The following EBF1 variants were observed in gnomAD, a reference collection of about 807,000 sequenced individuals.
The protein encoded by EBF1 is EBF transcription factor 1.
A neutral mutation model predicts 68.4 loss-of-function variants in EBF1; 10 were observed. The observed-to-expected ratio is 0.15, with a 90% CI of 0.09 to 0.25. The LOEUF is 0.25. Among genes scored for constraint, EBF1 ranks in the 10% least tolerant of loss-of-function variants. The pLI, the probability that EBF1 is intolerant of heterozygous loss-of-function variation, is 1.00. For synonymous variants in EBF1, 298 were observed against 299.8 expected (o/e 0.99, Z 0.06); for missense variants, 509 against 794.4 (o/e 0.64, Z 4.32).
intron 6 of EBF1, among the ~76,000 whole-genome samples, chr5:159,017,943 G>T (rs975835194): frequency 1.2e-4 from 19 of 152,068 alleles, no homozygotes; most frequent in African/African-American, 4.1e-4. Flanking sequence ...TTCCCACATG[G>T]GGCTAAGCAC....
chr5:159,083,754 A>G (rs1377241952), intron 5 of EBF1, among the ~76,000 whole-genome samples: 1 of 152,250 alleles, frequency 6.6e-6, no homozygotes. Flanking sequence ...CCAGGCCAGC[A>G]TTGTGCCAGG....
At chr5:158,839,149 C>A (rs1214010037) in intron 7 of EBF1, among the ~76,000 whole-genome samples, 1 of 152,176 alleles carries the variant, frequency 6.6e-6, no homozygotes, top group East Asian at 1.9e-4. Flanking sequence ...GTTTGTGAGT[C>A]CTCTTCCTTT....
At chr5:158,993,081 G>C (rs1269740839) in intron 6 of EBF1, among the ~76,000 whole-genome samples, 1 of 150,816 alleles carries the variant, frequency 6.6e-6, no homozygotes, top group East Asian at 1.9e-4. Context: ...GGTGCACGCT[G>C]CTACACCCAG....
chr5:158,714,277 G>T, intron 11 of EBF1, 95 bp from the exon 12 acceptor site: 1 of 1,422,064 alleles, frequency 7.0e-7, no homozygotes, highest in Non-Finnish European at 9.9e-7. Flanking sequence ...GCCATACTTT[G>T]CCAAGGCACT....
intron 10 of EBF1, among the ~76,000 whole-genome samples, chr5:158,754,468 T>A (rs901495321): frequency 1.3e-5 from 2 of 152,152 alleles, no homozygotes; most frequent in Non-Finnish European, 2.9e-5. Context: ...AAGGAAAGAA[T>A]TTCCTAGCAA....
intron 10 of EBF1, among the ~76,000 whole-genome samples, chr5:158,742,787 A>G (rs1766701086): frequency 6.6e-6 from 1 of 152,206 alleles, no homozygotes; most frequent in Non-Finnish European, 1.5e-5. Flanking sequence ...TACCCTGAAA[A>G]TGAGCTCCAT....
At chr5:159,028,030 C>T (rs1052609674) in intron 6 of EBF1, among the ~76,000 whole-genome samples, 3 of 152,126 alleles carry the variant, frequency 2.0e-5, no homozygotes, top group East Asian at 3.8e-4. Flanking sequence ...TTATTAAAAG[C>T]AGGTTGAAGT....
intron 8 of EBF1, among the ~76,000 whole-genome samples, chr5:158,822,154 G>C (rs1469441823): frequency 6.6e-6 from 1 of 152,116 alleles, no homozygotes; most frequent in Non-Finnish European, 1.5e-5. Flanking sequence ...CTAGCAAACT[G>C]GAAAGGGAAG....
At chr5:158,964,593 G>C (rs1409726502) in intron 6 of EBF1, among the ~76,000 whole-genome samples, 2 of 152,148 alleles carry the variant, frequency 1.3e-5, no homozygotes, top group Admixed American at 6.5e-5. Context: ...CAGTCTGTTA[G>C]GGTCTCTGTA....
At chr5:158,839,431 G>T (rs1789663789) in intron 7 of EBF1, among the ~76,000 whole-genome samples, 1 of 152,104 alleles carries the variant, frequency 6.6e-6, no homozygotes, top group Non-Finnish European at 1.5e-5. Context: ...CCGTTATCCA[G>T]GCTGGAGTGC....
intron 8 of EBF1, among the ~76,000 whole-genome samples, chr5:158,822,496 T>C (rs1785086397): frequency 6.6e-6 from 1 of 152,166 alleles, no homozygotes; most frequent in Admixed American, 6.5e-5. Flanking sequence ...TTTCCTTCAG[T>C]CCTCTCAAAG....
intron 1 of EBF1, among the ~76,000 whole-genome samples, chr5:159,098,928 G>GAGAA (rs752355108): frequency 8.7e-5 from 13 of 149,220 alleles, no homozygotes; most frequent in Non-Finnish European, 1.6e-4. Context: ...AAGGAAGGAA[G>GAGAA]AGAAAGAAAG....
At chr5:158,807,841 C>A (rs917526590) in intron 8 of EBF1, among the ~76,000 whole-genome samples, 1 of 152,126 alleles carries the variant, frequency 6.6e-6, no homozygotes, top group Non-Finnish European at 1.5e-5. Flanking sequence ...TCATGCAAGA[C>A]AGCATAGATA....
At chr5:158,878,396 T>G (rs1798192846) in intron 6 of EBF1, among the ~76,000 whole-genome samples, 1 of 152,180 alleles carries the variant, frequency 6.6e-6, no homozygotes, top group Non-Finnish European at 1.5e-5. Flanking sequence ...ATTAAGGCAC[T>G]GGTTTCTGGT....
chr5:158,716,843 A>T (rs1760829737), intron 11 of EBF1, among the ~76,000 whole-genome samples: 2 of 152,194 alleles, frequency 1.3e-5, no homozygotes, highest in Admixed American at 1.3e-4. Context: ...ACAGAACATG[A>T]CGAGCAGGTC....
intron 12 of EBF1, among the ~76,000 whole-genome samples, chr5:158,713,591 G>A (rs1759957710): frequency 6.6e-6 from 1 of 152,166 alleles, no homozygotes; most frequent in African/African-American, 2.4e-5. Context: ...GAAGGCTGTA[G>A]ATGACTACCT....
intron 6 of EBF1, among the ~76,000 whole-genome samples, chr5:158,930,004 G>A (rs143054996): frequency 2.0e-5 from 3 of 152,292 alleles, no homozygotes; most frequent in East Asian, 3.9e-4. Flanking sequence ...TAATGAGGTC[G>A]TTGAAAATGA....
chr5:158,789,136 A>G (rs1197121052), intron 9 of EBF1, among the ~76,000 whole-genome samples: 1 of 152,208 alleles, frequency 6.6e-6, no homozygotes, highest in Non-Finnish European at 1.5e-5. Flanking sequence ...AAAGTTTATA[A>G]TTTTGCACAA....
Position 158,733,203 on chromosome 5 carries a change from C to T in EBF1, c.1037-2046G>A, listed in dbSNP as rs182084605. On this transcript the variant is annotated intron_variant, in intron 10 of 15. Transcript: ENST00000313708. The stretch of plus-strand genomic sequence containing the variant: ...ATAATATCCACCCCCACCCATAATG[C>T]TAATTGCCAACAAAAATGTTTAACC... Among the ~76,000 whole-genome samples the T allele has an allele frequency of 2.8e-3, 421 of 152,234 alleles. 9 individuals carry two copies. The South Asian group carries it at 0.045, about 16-fold the overall frequency.
Sources: gnomAD v4.1 joint callset for allele counts (sites outside exome capture counted in the v4.1 genomes callset) on GRCh38, gnomAD v4.1.1 for gene constraint, MANE v1.5 for transcripts, NCBI Gene and HGNC (gene_info 2026-07-23, HGNC 2026-07-21) for gene names.